The following MGAT4C variants were observed in gnomAD, a reference collection of about 807,000 sequenced individuals.
MGAT4C encodes alpha-1,3-mannosyl-glycoprotein 4-beta-N-acetylglucosaminyltransferase C.
Under a neutral mutation model 40.1 loss-of-function variants are expected in MGAT4C, and 19 were observed. The ratio of observed to expected loss-of-function variants is 0.47; its 90% CI spans 0.33 to 0.70. MGAT4C has a LOEUF of 0.70. Ranked by LOEUF, MGAT4C falls within the 30% of genes least tolerant of loss-of-function variation. The pLI, the probability that MGAT4C is intolerant of heterozygous loss-of-function variation, is 0.02. For synonymous variants in MGAT4C, 181 were observed against 187.1 expected (o/e 0.97, Z 0.27); for missense variants, 491 against 563.2 (o/e 0.87, Z 1.30).
At chr12:86,701,192 C>T (rs1274802362) in intron 2 of MGAT4C, among the ~76,000 whole-genome samples, 1 of 151,838 alleles carries the variant, frequency 6.6e-6, no homozygotes, top group African/African-American at 2.4e-5. Flanking sequence ...GTATTACAGT[C>T]ATACATAATT....
chr12:86,432,636 A>G (rs1022584440), intron 3 of MGAT4C, among the ~76,000 whole-genome samples: 1 of 152,042 alleles, frequency 6.6e-6, no homozygotes, highest in African/African-American at 2.4e-5. Flanking sequence ...AACACAGGGG[A>G]ACCCATTAAA....
chr12:86,384,845 C>A (rs1176933661), intron 3 of MGAT4C, among the ~76,000 whole-genome samples: 3 of 152,108 alleles, frequency 2.0e-5, no homozygotes, highest in Non-Finnish European at 4.4e-5. Flanking sequence ...CTCTTTCTTG[C>A]CGTTCATCAC....
chr12:86,812,916 T>G (rs143769676), intron 1 of MGAT4C, among the ~76,000 whole-genome samples: 1 of 152,270 alleles, frequency 6.6e-6, no homozygotes, highest in East Asian at 1.9e-4. Flanking sequence ...CCATTGGTAT[T>G]GCACTCACCT....
At chr12:86,032,814 G>A (rs992944926) in intron 2 of MGAT4C, among the ~76,000 whole-genome samples, 1 of 149,518 alleles carries the variant, frequency 6.7e-6, no homozygotes, top group African/African-American at 2.4e-5. Context: ...ATTATTTTTA[G>A]CATCTTTGTC....
chr12:86,129,427 G>A (rs965822179), intron 1 of MGAT4C, among the ~76,000 whole-genome samples: 2 of 152,094 alleles, frequency 1.3e-5, no homozygotes, highest in African/African-American at 4.8e-5. Flanking sequence ...GGAGAAATAA[G>A]GCTCACTAGC....
In MGAT4C at chr12:86,313,819, A is replaced by C. The variant is rs955207535; in HGVS notation, c.-57+20246T>G. Among the ~76,000 whole-genome samples the C allele has an allele frequency of 3.9e-5, 6 of 152,352 alleles. No homozygotes were observed. In the East Asian group the frequency reaches 9.6e-4, roughly 24 times the overall value. ...AATACCGAAAGCTTATGAATATCTA[A>C]AAACATTTTCCAAATGATCTACAAT... is the stretch of plus-strand genomic sequence containing the variant. On this transcript the variant is annotated intron_variant, in intron 4 of 7. Coordinates refer to the MGAT4C transcript ENST00000548651.
At chr12:86,499,119 TA>T (rs1958290915) in intron 2 of MGAT4C, among the ~76,000 whole-genome samples, 1 of 151,888 alleles carries the variant, frequency 6.6e-6, no homozygotes, top group South Asian at 2.1e-4. Flanking sequence ...ATGTAACATA[TA>T]AAAATGCTTT....
chr12:86,115,609 C>T (rs1878283516), intron 1 of MGAT4C, among the ~76,000 whole-genome samples: 1 of 151,940 alleles, frequency 6.6e-6, no homozygotes, highest in African/African-American at 2.4e-5. Context: ...ATAATGGTCC[C>T]AATCTTCTCA....
chr12:86,371,147 C>T (rs1429060565), intron 3 of MGAT4C, among the ~76,000 whole-genome samples: 3 of 151,914 alleles, frequency 2.0e-5, no homozygotes, highest in East Asian at 1.9e-4. Flanking sequence ...ACTAAATATT[C>T]GAAAATTCCT....
chr12:86,442,273 T>C (rs1431890397), intron 2 of MGAT4C, among the ~76,000 whole-genome samples: 1 of 152,062 alleles, frequency 6.6e-6, no homozygotes, highest in Admixed American at 6.6e-5. Flanking sequence ...GATTGCAACA[T>C]TTTCCTCCCA....
At chr12:86,229,996 C>T (rs564694650) in intron 1 of MGAT4C, among the ~76,000 whole-genome samples, 5 of 152,070 alleles carry the variant, frequency 3.3e-5, no homozygotes, top group Non-Finnish European at 7.4e-5. Context: ...TGGAAAGAGA[C>T]AATGTCAATC....
intron 1 of MGAT4C, among the ~76,000 whole-genome samples, chr12:86,248,609 T>C (rs1244424203): frequency 6.6e-6 from 1 of 152,162 alleles, no homozygotes; most frequent in East Asian, 1.9e-4. Context: ...TAGGCAATTG[T>C]CTTGCCTCTT....
intron 2 of MGAT4C, among the ~76,000 whole-genome samples, chr12:86,042,352 T>A (rs1052625081): frequency 2.2e-4 from 34 of 152,208 alleles, no homozygotes; most frequent in Admixed American, 2.2e-3. Context: ...CCTGTCATTG[T>A]GTTGTTAGCT....
chr12:86,261,536 T>C (rs1251924341), intron 4 of MGAT4C, among the ~76,000 whole-genome samples: 1 of 152,088 alleles, frequency 6.6e-6, no homozygotes, highest in Non-Finnish European at 1.5e-5. Flanking sequence ...AGCAATTTCC[T>C]GAGAAAAGTA....
chr12:86,057,933 G>T (rs908360173), intron 1 of MGAT4C, among the ~76,000 whole-genome samples: 3 of 152,012 alleles, frequency 2.0e-5, no homozygotes, highest in African/African-American at 7.2e-5. Flanking sequence ...GTTGTTTCTG[G>T]ATGTCTCAAA....
At chr12:85,996,217 A>G (rs1356350035) in intron 2 of MGAT4C, among the ~76,000 whole-genome samples, 1 of 152,248 alleles carries the variant, frequency 6.6e-6, no homozygotes, top group Admixed American at 6.5e-5. Context: ...TAAAAAGGCT[A>G]TCATAAATAT....
chr12:86,172,701 TTTCAA>T (rs1886982475), intron 1 of MGAT4C, among the ~76,000 whole-genome samples: 1 of 151,912 alleles, frequency 6.6e-6, no homozygotes, highest in Non-Finnish European at 1.5e-5. Flanking sequence ...TAAATTAGAG[TTTCAA>T]CTCAGAGCAA....
intron 2 of MGAT4C, among the ~76,000 whole-genome samples, chr12:86,651,293 AT>A (rs1343297489): frequency 1.3e-5 from 2 of 151,866 alleles, no homozygotes; most frequent in Non-Finnish European, 2.9e-5. Context: ...GTAATTATAA[AT>A]CTATTTATTG....
intron 1 of MGAT4C, among the ~76,000 whole-genome samples, chr12:86,201,759 T>G (rs543963308): frequency 6.6e-6 from 1 of 151,986 alleles, no homozygotes; most frequent in South Asian, 2.1e-4. Context: ...ACAAACATTC[T>G]AACAATATAT....
Sources: allele counts gnomAD v4.1 joint callset (sites outside exome capture counted in the v4.1 genomes callset), GRCh38; gene constraint gnomAD v4.1.1; transcripts MANE v1.5; gene names NCBI Gene and HGNC (gene_info 2026-07-23, HGNC 2026-07-21).